Variants in SIRPB1 observed in about 807,000 individuals in gnomAD.
SIRPB1 encodes signal-regulatory protein beta-1.
A neutral mutation model predicts 34.1 loss-of-function variants in SIRPB1; 28 were observed. The observed-to-expected ratio is 0.82, with a 90% CI of 0.61 to 1.12. The LOEUF (loss-of-function observed/expected upper bound fraction) is 1.12, where lower values mean the gene tolerates loss of function less well. Among genes scored for constraint, SIRPB1 ranks in the 50% most tolerant of loss-of-function variants. The pLI is 0.00. For synonymous variants in SIRPB1, 211 were observed against 203.8 expected (o/e 1.04, Z -0.30); for missense variants, 499 against 507.0 (o/e 0.98, Z 0.15).
rs111742423 is a variant in SIRPB1 at position 1,571,955 on chromosome 20, A to G, written c.516T>C (p.His172=). The G allele has an allele frequency of 1.5e-3, 2,391 of 1,613,750 alleles. 44 individuals carry two copies. The African/African-American group carries it at 0.029, about 19-fold the overall frequency. The change falls in exon 3 of 6, where the codon CAT becomes CAC. Residue 172 remains histidine (H), a synonymous_variant. Coordinates refer to ENST00000381605, the MANE Select transcript of SIRPB1 (RefSeq NM_006065.5). ...EHTVSFTCES[H]GFSPRDITLK... ...GGGTGATGTCTCTGGGAGAGAAGCC[A>G]TGGGACTCGCAGGTGAAGCTCACTG... is the stretch of plus-strand genomic sequence containing the variant.
chr20:1,570,944 G>A lies in SIRPB1; in HGVS notation c.945C>T (p.Leu315=), dbSNP rs1304317187. The A allele has an allele frequency of 6.2e-7, 1 of 1,614,182 alleles. No individual in the cohort carries two copies. The highest frequency in any genetic ancestry group is 1.1e-5 in the South Asian group (1 of 91,084). ...KDGTYNWMSW[L]LVNTCAHRDD... ...CCCTGTGGGCACAGGTGTTCACCAG[G>A]AGCCAGCTCATCCAGTTGTAGGTGC... is the stretch of plus-strand genomic sequence containing the variant. The change falls in exon 4 of 6, where the codon CTC becomes CTT. Residue 315 remains leucine, a synonymous_variant. Transcript: ENST00000381605.
At position 1,590,503 on chromosome 20, in the gene SIRPB1, C is replaced by T. The variant is rs1439484450; in HGVS notation, c.77-11809G>A. 4.1e-5 allele frequency among the ~76,000 whole-genome samples: 2 copies of T among 49,378 alleles called. 1 individual carries two copies. The highest frequency in any genetic ancestry group is 7.8e-5 in the Non-Finnish European group (2 of 25,540). The allele number at this position is 49,378 out of a possible 152,430, so 32.4% of individuals were successfully genotyped here. A position where few individuals can be genotyped will look rare whatever the true frequency, so the allele number is the denominator to read the frequency against. On this transcript the variant is annotated intron_variant, in intron 1 of 5. Coordinates refer to ENST00000381605, the MANE Select transcript of SIRPB1 (RefSeq NM_006065.5). ...ACCTCATTAATTCATCACTCTGACT[C>T]TATCAAGTAAGCACTGCTATTAACC...
chr20:1,567,885 A>G (rs1179727299), intron 4 of SIRPB1, among the ~76,000 whole-genome samples: 1 of 152,252 alleles, frequency 6.6e-6, no homozygotes, highest in Non-Finnish European at 1.5e-5. Context: ...ACTTCTTGGC[A>G]GCACTGCAGA....
At position 1,609,885 on chromosome 20, in the gene SIRPB1, C is replaced by T. The variant is rs2091547615; in HGVS notation, c.76+9984G>A. 2.7e-5 allele frequency among the ~76,000 whole-genome samples: 2 copies of T among 72,900 alleles called. 1 individual carries two copies. The highest frequency in any genetic ancestry group is 5.2e-5 in the Non-Finnish European group (2 of 38,606). 47.8% of individuals were successfully genotyped at this position (72,900 alleles called of 152,430 possible). ...ATATGAAAACACACTATCCTGTGAC[C>T]TAGGAACGCCACTTCCAGTGGGTGT... On this transcript the variant is annotated intron_variant, in intron 1 of 5. Transcript: ENST00000381605.
chr20:1,596,023 C>G (rs930529835), intron 1 of SIRPB1, among the ~76,000 whole-genome samples: 1 of 48,286 alleles, frequency 2.1e-5, no homozygotes, highest in Non-Finnish European at 4.0e-5. Flanking sequence ...AAAACCTGCA[C>G]CATGAATGGT....
chr20:1,572,069 T>C (rs547613618), intron 2 of SIRPB1, 32 bp from the exon 3 acceptor site: 2 of 1,613,450 alleles, frequency 1.2e-6, no homozygotes, highest in East Asian at 2.2e-5. Context: ...TCAGGAGACA[T>C]GACTCAGATG....
At chr20:1,570,720 C>T (rs2091218121) in intron 4 of SIRPB1, 85 bp downstream of exon 4, 12 of 1,121,324 alleles carry the variant, frequency 1.1e-5, no homozygotes, top group East Asian at 2.4e-5. Flanking sequence ...TATTTATAGA[C>T]TTCTAGCTTA....
At position 1,564,085 on chromosome 20, in the gene SIRPB1, A is replaced by G. The variant is rs2091099805; in HGVS notation, c.*1415T>C. The G allele has an allele frequency of 6.6e-6, 1 of 152,210 alleles. No homozygotes were observed. The highest frequency in any genetic ancestry group is 2.4e-5 in the African/African-American group (1 of 41,456). The allele number at this position is 152,210 out of a possible 1,614,324, so 9.4% of individuals were successfully genotyped here. On this transcript the variant is annotated 3_prime_UTR_variant, in exon 6 of 6. Coordinates refer to ENST00000381605, the MANE Select transcript of SIRPB1 (RefSeq NM_006065.5). ...AATTGTAGTGCACAAATAAATATTT[A>G]TTTCATTATATTTTCATTGTCCTCT...
In SIRPB1 at chr20:1,578,588, AG is replaced by A. The variant is rs754747754; in HGVS notation, c.182del (p.Pro61LeufsTer17). 1.3e-6 allele frequency: 2 copies of A among 1,583,970 alleles called. No homozygotes were observed. The highest frequency in any genetic ancestry group is 2.7e-5 in the African/African-American group (2 of 73,892). On this transcript the variant is annotated frameshift_variant, in exon 2 of 6. Coordinates refer to ENST00000381605, the MANE Select transcript of SIRPB1 (RefSeq NM_006065.5). LOFTEE classifies it high-confidence loss of function. ...CTCTAAACCACATGATGGGCCCCAC[AG>A]GGATCAGGGACGTCATAGCACAGCG... ...TLRCAMTSLIPVGPIMWFRGA... is the reference protein window; with the variant it reads ...TLRCAMTSLIXVGPIMWFRGA...
chr20:1,570,982 C>G lies in SIRPB1; in HGVS notation c.907G>C (p.Glu303Gln), dbSNP rs372469385. The G allele has an allele frequency of 3.7e-6, 6 of 1,614,064 alleles. No individual in the cohort carries two copies. In the African/African-American group the frequency reaches 8.0e-5, roughly 22 times the overall value. ...CAGTTGTAGGTGCCATCCTTGTTCT[C>G]TATGAGGGTCGAAGCTGTTTCTGTC... ...SRTETASTLI[E>Q]NKDGTYNWMS... is the part of the protein sequence containing the mutation. The change falls in exon 4 of 6, where the codon GAG becomes CAG. Residue 303 changes from glutamate (E) to glutamine (Q), a missense_variant. Glu to Gln is a conservative substitution (Grantham distance 29). Coordinates refer to ENST00000381605, the MANE Select transcript of SIRPB1 (RefSeq NM_006065.5).
chr20:1,567,076 T>A (rs1000592171), intron 4 of SIRPB1, among the ~76,000 whole-genome samples: 2 of 151,708 alleles, frequency 1.3e-5, no homozygotes, highest in Admixed American at 1.3e-4. Context: ...ATGTTAAAAG[T>A]AACAAAGGTA....
rs1746692847 is a variant in SIRPB1 at position 1,570,843 on chromosome 20, G to A, written c.1046C>T (p.Ser349Leu). ...TGAGCCGTGCTCCTTCTGGTGCGCT[G>A]AGATCTCCAGGGCATAGCTTTTGCT... ...AVSKSYALEI[S>L]AHQKEHGSDI... Residue 349 changes from serine to leucine, a missense_variant, in exon 4 of 6, where the codon TCA becomes TTA. Physicochemically the swap from Ser to Leu is moderately radical, Grantham distance 145. Transcript: ENST00000381605. 4.3e-6 allele frequency: 7 copies of A among 1,614,060 alleles called. No homozygotes were observed. The highest frequency in any genetic ancestry group is 5.9e-6 in the Non-Finnish European group (7 of 1,180,034).
At chr20:1,612,236 G>C (rs112989967) in intron 1 of SIRPB1, among the ~76,000 whole-genome samples, 25,205 of 71,324 alleles carry the variant, frequency 0.35, 10,964 homozygotes, top group Middle Eastern at 0.58. Flanking sequence ...CTCAAGCAAT[G>C]CATCTGCCTT....
chr20:1,617,139 C>T (rs2091641464), intron 1 of SIRPB1, among the ~76,000 whole-genome samples: 1 of 152,022 alleles, frequency 6.6e-6, no homozygotes, highest in South Asian at 2.1e-4. Flanking sequence ...GGAGGCTCCT[C>T]AAAAAATTAA....
Position 1,571,748 on chromosome 20 carries a change from C to A in SIRPB1, c.723G>T (p.Gly241=). ...HITLQGDPLR[G]TANLSEAIRV... is the part of the protein sequence containing the mutation. ...GGATGGCCTCAGACAAGTTGGCAGT[C>A]CCACGAAGAGGGTCCCCCTGCAAGG... Residue 241 remains glycine, a synonymous_variant, in exon 3 of 6, where the codon GGG becomes GGT. Coordinates refer to ENST00000381605, the MANE Select transcript of SIRPB1 (RefSeq NM_006065.5). 1 of 1,614,190 alleles carries A rather than the reference C, an allele frequency of 6.2e-7. No individual in the cohort carries two copies. The highest frequency in any genetic ancestry group is 8.5e-7 in the Non-Finnish European group (1 of 1,180,028).
At chr20:1,579,557 G>A (rs1399669447) in intron 1 of SIRPB1, among the ~76,000 whole-genome samples, 1 of 148,696 alleles carries the variant, frequency 6.7e-6, no homozygotes, top group African/African-American at 2.4e-5. Flanking sequence ...ATGCGTGAAT[G>A]ACCGTTGCAT....
At chr20:1,617,686 T>C (rs1044000748) in intron 1 of SIRPB1, among the ~76,000 whole-genome samples, 4 of 152,166 alleles carry the variant, frequency 2.6e-5, no homozygotes, top group Non-Finnish European at 5.9e-5. Flanking sequence ...TTTTGAGAGA[T>C]CTCACCACAG....
At position 1,561,906 on chromosome 20, in the gene SIRPB1, A is replaced by G. The variant is rs535898506; in HGVS notation, c.*3594T>C. On this transcript the variant is annotated 3_prime_UTR_variant, in exon 6 of 6. Transcript: ENST00000381605. ...GGAAGTTATGTTCCACCTCCTTTAG[A>G]GTGGAGTGTATAAATAAATTATCTG... Among the ~76,000 whole-genome samples the G allele has an allele frequency of 3.5e-4, 53 of 152,100 alleles. No homozygotes were observed. Among genetic ancestry groups the G allele is most frequent in the African/African-American group, 1.3e-3 (53 of 41,450 alleles).
At chr20:1,568,256 G>A (rs1600094257) in intron 4 of SIRPB1, among the ~76,000 whole-genome samples, 2 of 152,210 alleles carry the variant, frequency 1.3e-5, no homozygotes, top group Non-Finnish European at 1.5e-5. Context: ...AAATGGCTGA[G>A]TCAAAAGGGA....
Sources: allele counts gnomAD v4.1 joint callset (sites outside exome capture counted in the v4.1 genomes callset), GRCh38; gene constraint gnomAD v4.1.1; transcripts MANE v1.5; gene names NCBI Gene and HGNC (gene_info 2026-07-23, HGNC 2026-07-21).